The following GRIK1 variants were observed in gnomAD, a reference collection of about 807,000 sequenced individuals.
GRIK1 encodes the protein glutamate ionotropic receptor kainate type subunit 1.
In GRIK1, 69 loss-of-function variants were observed where a neutral mutation model predicts 105.7. The ratio of observed to expected loss-of-function variants is 0.65; its 90% CI spans 0.54 to 0.80. The LOEUF is 0.80. GRIK1 is among the 30% of genes least tolerant of loss of function. GRIK1 has a pLI of 0.00. For synonymous variants in GRIK1, 438 were observed against 431.3 expected (o/e 1.02, Z -0.19); for missense variants, 1,109 against 1,167.3 (o/e 0.95, Z 0.73).
intron 1 of GRIK1, among the ~76,000 whole-genome samples, chr21:29,839,695 C>T (rs1019510790): frequency 1.1e-4 from 17 of 152,130 alleles, no homozygotes; most frequent in Admixed American, 2.6e-4. Flanking sequence ...TTTGTTCAGA[C>T]CATATCTGGA....
At chr21:29,611,727 T>A (rs763531642) in intron 7 of GRIK1, among the ~76,000 whole-genome samples, 2 of 152,208 alleles carry the variant, frequency 1.3e-5, no homozygotes, top group Non-Finnish European at 2.9e-5. Context: ...ATCAATGAGA[T>A]GATGTGAAAG....
chr21:29,588,998 A>T lies in GRIK1; in HGVS notation c.1410T>A (p.Tyr470Ter), dbSNP rs2061290241. ...AATATCCTTCAAATCTGTCATTTCCATATAGAGGCTTATCAGATTTCCTGT... is the reference window on the plus strand; with the variant it reads ...AATATCCTTCAAATCTGTCATTTCCTTATAGAGGCTTATCAGATTTCCTGT... Reference protein sequence around the residue: ...VMYRKSDKPLYGNDRFEGYCL... With the variant: ...VMYRKSDKPL The change falls in exon 11 of 18, where the codon TAT (tyrosine) becomes TAA (stop). Residue 470 changes from tyrosine (Y) to a stop codon, truncating the protein, a stop_gained. Transcript: ENST00000327783. LOFTEE classifies it high-confidence loss of function. 1.2e-6 allele frequency: 2 copies of T among 1,604,664 alleles called. No individual in the cohort carries two copies. Among genetic ancestry groups the T allele is most frequent in the Non-Finnish European group, 1.7e-6 (2 of 1,171,386 alleles).
At chr21:29,540,124 A>C (rs2089945342) in intron 16 of GRIK1, among the ~76,000 whole-genome samples, 1 of 152,182 alleles carries the variant, frequency 6.6e-6, no homozygotes, top group Non-Finnish European at 1.5e-5. Flanking sequence ...GTCTCATTGA[A>C]ACCTCTTTTC....
chr21:29,891,998 T>A (rs1238551520), intron 1 of GRIK1, among the ~76,000 whole-genome samples: 3 of 152,204 alleles, frequency 2.0e-5, no homozygotes, highest in Admixed American at 1.3e-4. Context: ...TGAATTAAAG[T>A]GTATTTGATT....
intron 1 of GRIK1, among the ~76,000 whole-genome samples, chr21:29,739,606 G>A (rs772433699): frequency 3.3e-5 from 5 of 152,158 alleles, no homozygotes; most frequent in African/African-American, 7.2e-5. Context: ...ATTTTATATG[G>A]TACAAAGCAG....
intron 1 of GRIK1, among the ~76,000 whole-genome samples, chr21:29,734,672 T>TACAGGCATGAGCC (rs1364390902): frequency 2.0e-5 from 3 of 152,126 alleles, no homozygotes; most frequent in African/African-American, 4.8e-5. Context: ...TTTCTTGGAT[T>TACAGGCATGAGCC]ACAGGCATGA....
At chr21:29,777,302 G>A (rs1480175183) in intron 1 of GRIK1, among the ~76,000 whole-genome samples, 1 of 152,152 alleles carries the variant, frequency 6.6e-6, no homozygotes, top group African/African-American at 2.4e-5. Flanking sequence ...TAGAGATCCT[G>A]GTTCAATGGG....
intron 1 of GRIK1, among the ~76,000 whole-genome samples, chr21:29,892,826 C>A (rs1380918413): frequency 6.6e-6 from 1 of 152,162 alleles, no homozygotes; most frequent in Non-Finnish European, 1.5e-5. Flanking sequence ...TGAACTCCAG[C>A]AAAGTATTTT....
At chr21:29,733,797 C>A (rs2064700072) in intron 1 of GRIK1, among the ~76,000 whole-genome samples, 1 of 151,978 alleles carries the variant, frequency 6.6e-6, no homozygotes, top group African/African-American at 2.4e-5. Context: ...TGCCAGTTAC[C>A]ATTTACTAAC....
chr21:29,881,876 GAC>G (rs376241483), intron 1 of GRIK1, among the ~76,000 whole-genome samples: 61 of 152,210 alleles, frequency 4.0e-4, no homozygotes, highest in African/African-American at 1.4e-3. Context: ...AAAAATAAAA[GAC>G]AATCTTTTAC....
At chr21:29,713,866 T>C (rs1456514516) in intron 1 of GRIK1, among the ~76,000 whole-genome samples, 1 of 152,206 alleles carries the variant, frequency 6.6e-6, no homozygotes, top group Non-Finnish European at 1.5e-5. Flanking sequence ...CAGTCTTTGG[T>C]GTAGCACCTC....
chr21:29,614,219 C>G (rs773447064), intron 7 of GRIK1, among the ~76,000 whole-genome samples: 2 of 152,050 alleles, frequency 1.3e-5, no homozygotes, highest in Non-Finnish European at 2.9e-5. Context: ...AGGGCTGTAC[C>G]CATGGCCCAG....
intron 4 of GRIK1, among the ~76,000 whole-genome samples, chr21:29,656,389 A>AG (rs1568940272): frequency 2.3e-4 from 33 of 145,498 alleles, no homozygotes; most frequent in Non-Finnish European, 4.3e-4. Context: ...AAAAAAAAAA[A>AG]GAAATGAAGA....
At chr21:29,841,886 C>T (rs913905516) in intron 1 of GRIK1, among the ~76,000 whole-genome samples, 1 of 152,176 alleles carries the variant, frequency 6.6e-6, no homozygotes, top group Non-Finnish European at 1.5e-5. Context: ...CCTACCTTCA[C>T]CCAGCTACAA....
At chr21:29,685,922 A>C (rs967018455) in intron 3 of GRIK1, among the ~76,000 whole-genome samples, 25 of 152,324 alleles carry the variant, frequency 1.6e-4, no homozygotes, top group African/African-American at 5.8e-4. Context: ...AAATCTAGAA[A>C]GATTCTCTTT....
intron 1 of GRIK1, among the ~76,000 whole-genome samples, chr21:29,856,474 A>G (rs575126183): frequency 2.4e-4 from 37 of 152,146 alleles, no homozygotes; most frequent in Non-Finnish European, 4.3e-4. Flanking sequence ...CACAATGAAT[A>G]CCTGTGAAAT....
At chr21:29,610,262 CT>C in intron 7 of GRIK1, among the ~76,000 whole-genome samples, 1 of 152,182 alleles carries the variant, frequency 6.6e-6, no homozygotes, top group African/African-American at 2.4e-5. Flanking sequence ...AAATGTCATG[CT>C]TTTCCCCATT....
chr21:29,802,233 C>A (rs2066731770), intron 1 of GRIK1, among the ~76,000 whole-genome samples: 1 of 152,124 alleles, frequency 6.6e-6, no homozygotes, highest in Admixed American at 6.6e-5. Context: ...ATGTCAAGCC[C>A]TGCTATTAAT....
At chr21:29,702,948 T>C (rs745516668) in intron 1 of GRIK1, among the ~76,000 whole-genome samples, 1 of 152,200 alleles carries the variant, frequency 6.6e-6, no homozygotes, top group Non-Finnish European at 1.5e-5. Context: ...TTTGTGATGA[T>C]AGACACAGGA....
Sources: allele counts gnomAD v4.1 joint callset (sites outside exome capture counted in the v4.1 genomes callset), GRCh38; gene constraint gnomAD v4.1.1; transcripts MANE v1.5; gene names NCBI Gene and HGNC (gene_info 2026-07-23, HGNC 2026-07-21).